The following NAALADL2 variants were observed in gnomAD, a reference collection of about 807,000 sequenced individuals.
NAALADL2 encodes the protein N-acetylated alpha-linked acidic dipeptidase like 2.
A neutral mutation model predicts 87.2 loss-of-function variants in NAALADL2; 76 were observed. That is an observed-to-expected ratio of 0.87 (90% CI 0.72 to 1.05). NAALADL2 has a LOEUF of 1.05. Among genes scored for constraint, NAALADL2 ranks in the 50% least tolerant of loss-of-function variants. NAALADL2 has a pLI of 0.00. For missense variants in NAALADL2, 1,089 were observed against 945.8 expected (o/e 1.15, Z -1.99); for synonymous variants, 354 against 331.0 (o/e 1.07, Z -0.75).
At chr3:174,946,238 TA>T (rs1739404553) in intron 1 of NAALADL2, among the ~76,000 whole-genome samples, 1 of 152,060 alleles carries the variant, frequency 6.6e-6, no homozygotes, top group Admixed American at 6.6e-5. Flanking sequence ...GCGTTTTTTA[TA>T]AAAACTAGTT....
chr3:174,485,505 G>A (rs1191370131), intron 1 of NAALADL2, among the ~76,000 whole-genome samples: 1 of 149,796 alleles, frequency 6.7e-6, no homozygotes, highest in Non-Finnish European at 1.5e-5. Context: ...GTGTTCATAT[G>A]TTCTCATCAT....
intron 11 of NAALADL2, among the ~76,000 whole-genome samples, chr3:175,652,564 C>A (rs1246716128): frequency 6.6e-6 from 1 of 150,384 alleles, no homozygotes; most frequent in East Asian, 2.0e-4. Flanking sequence ...CTGCAAGCTC[C>A]GCCTCCCGGG....
intron 2 of NAALADL2, among the ~76,000 whole-genome samples, chr3:174,708,824 GA>G (rs1418547998): frequency 6.6e-6 from 1 of 152,108 alleles, no homozygotes; most frequent in Non-Finnish European, 1.5e-5. Flanking sequence ...AGGCATCTTA[GA>G]AATATTGAAG....
intron 2 of NAALADL2, among the ~76,000 whole-genome samples, chr3:174,663,890 C>T (rs926097630): frequency 1.3e-5 from 2 of 151,322 alleles, no homozygotes; most frequent in African/African-American, 2.4e-5. Context: ...TGGGTCCAAG[C>T]GATTCTCCTG....
At chr3:175,136,409 C>A (rs1729120917) in intron 2 of NAALADL2, among the ~76,000 whole-genome samples, 1 of 152,068 alleles carries the variant, frequency 6.6e-6, no homozygotes, top group Non-Finnish European at 1.5e-5. Context: ...TATTCCAGTG[C>A]TTTCAACTTT....
At chr3:174,643,886 G>A (rs1331814240) in intron 2 of NAALADL2, among the ~76,000 whole-genome samples, 2 of 152,042 alleles carry the variant, frequency 1.3e-5, no homozygotes, top group African/African-American at 4.8e-5. Flanking sequence ...AAAAATACAT[G>A]GAAGGAAGAC....
chr3:174,709,351 C>T (rs1253805824), intron 2 of NAALADL2, among the ~76,000 whole-genome samples: 5 of 152,086 alleles, frequency 3.3e-5, no homozygotes, highest in Non-Finnish European at 7.4e-5. Flanking sequence ...AATATATCCA[C>T]TGCTAGCTCT....
intron 4 of NAALADL2, 121 bp from the exon 5 acceptor site, chr3:175,324,054 A>AAGAAAAAGAAAAAAAAACT: frequency 1.3e-6 from 1 of 763,640 alleles, no homozygotes. Context: ...GAAAAAGAAA[A>AAGAAAAAGAAAAAAAAACT]AGAAAAAGAA....
At chr3:175,243,350 GCA>G (rs1190582142) in intron 3 of NAALADL2, among the ~76,000 whole-genome samples, 4 of 116,990 alleles carry the variant, frequency 3.4e-5, no homozygotes, top group African/African-American at 1.2e-4. Flanking sequence ...ACACACGCAC[GCA>G]CACACACACG....
At chr3:175,068,296 C>A (rs75706474) in intron 1 of NAALADL2, among the ~76,000 whole-genome samples, 3,368 of 152,106 alleles carry the variant, frequency 0.022, 118 homozygotes, top group African/African-American at 0.078. Context: ...ACACTTCTTA[C>A]TCCTCACAGG....
chr3:175,020,372 T>C (rs1751418691), intron 1 of NAALADL2, among the ~76,000 whole-genome samples: 1 of 152,100 alleles, frequency 6.6e-6, no homozygotes. Context: ...CAAACTGATG[T>C]TTCTTCAAAG....
At chr3:175,314,928 T>C (rs996776982) in intron 4 of NAALADL2, among the ~76,000 whole-genome samples, 6 of 151,744 alleles carry the variant, frequency 4.0e-5, no homozygotes, top group Admixed American at 2.6e-4. Flanking sequence ...CTATGAGGCA[T>C]TGGGTAGAAA....
intron 1 of NAALADL2, among the ~76,000 whole-genome samples, chr3:174,867,286 A>G (rs1225830893): frequency 6.6e-6 from 1 of 151,964 alleles, no homozygotes; most frequent in South Asian, 2.1e-4. Context: ...TCCGCTATTA[A>G]CACTTACATG....
chr3:174,490,764 T>G (rs1437967369), intron 1 of NAALADL2, among the ~76,000 whole-genome samples: 2 of 152,058 alleles, frequency 1.3e-5, no homozygotes, highest in Non-Finnish European at 2.9e-5. Context: ...AGCGCTCCTT[T>G]GAAAGCCTTT....
chr3:175,194,418 T>G, intron 2 of NAALADL2, among the ~76,000 whole-genome samples: 1 of 151,918 alleles, frequency 6.6e-6, no homozygotes, highest in East Asian at 1.9e-4. Context: ...AACTAAATTC[T>G]GAAAATCCCT....
chr3:175,307,129 A>G lies in NAALADL2; in HGVS notation c.940-17046A>G, dbSNP rs376128059. ...AGTATTCTATTGTCACTATGAAGAG[A>G]TCTGTAACCATAGAAAAATCACAGC... On this transcript the variant is annotated intron_variant, in intron 4 of 13. Transcript: ENST00000454872. Among the ~76,000 whole-genome samples the G allele has an allele frequency of 3.3e-5, 5 of 152,278 alleles. No individual in the cohort carries two copies. In the East Asian group the frequency reaches 9.6e-4, roughly 29 times the overall value.
intron 3 of NAALADL2, among the ~76,000 whole-genome samples, chr3:175,250,275 G>GTC (rs1355392945): frequency 2.7e-5 from 4 of 150,928 alleles, no homozygotes; most frequent in Non-Finnish European, 4.4e-5. Flanking sequence ...GTGTGTGTGT[G>GTC]TGTGTGTGTG....
At chr3:175,374,208 T>C (rs2148960009) in intron 5 of NAALADL2, among the ~76,000 whole-genome samples, 1 of 152,202 alleles carries the variant, frequency 6.6e-6, no homozygotes, top group East Asian at 1.9e-4. Flanking sequence ...GGCTTACAAA[T>C]CCTTCTCCTT....
At chr3:174,721,204 A>G (rs1193006494) in intron 2 of NAALADL2, among the ~76,000 whole-genome samples, 1 of 152,224 alleles carries the variant, frequency 6.6e-6, no homozygotes, top group Non-Finnish European at 1.5e-5. Flanking sequence ...AAGCATAGTT[A>G]GTGTATTTAA....
Sources: allele counts gnomAD v4.1 joint callset (sites outside exome capture counted in the v4.1 genomes callset), GRCh38; gene constraint gnomAD v4.1.1; transcripts MANE v1.5; gene names NCBI Gene and HGNC (gene_info 2026-07-23, HGNC 2026-07-21).